LANCL1: variants seen among roughly 807,000 people sequenced by gnomAD.
LANCL1 encodes the protein LanC like glutathione S-transferase 1.
LANCL1 carries 50 observed loss-of-function variants against 50.6 expected under a neutral mutation model. The ratio of observed to expected loss-of-function variants is 0.99; its 90% CI spans 0.79 to 1.25. The LOEUF is 1.25. Ranked by LOEUF, LANCL1 falls within the 50% of genes most tolerant of loss-of-function variation. The pLI, the probability that LANCL1 is intolerant of heterozygous loss-of-function variation, is 0.00. For synonymous variants in LANCL1, 188 were observed against 178.6 expected (o/e 1.05, Z -0.42); for missense variants, 532 against 480.7 (o/e 1.11, Z -1.00).
intron 3 of LANCL1, chr2:210,468,885 T>A (rs1043563959): frequency 6.6e-6 from 1 of 152,242 alleles, no homozygotes; most frequent in Non-Finnish European, 1.5e-5. Context: ...TAAACCACTA[T>A]ACTTCTGTTT....
chr2:210,448,069 A>T (rs928860881), intron 4 of LANCL1, among the ~76,000 whole-genome samples: 2 of 152,196 alleles, frequency 1.3e-5, no homozygotes, highest in Non-Finnish European at 2.9e-5. Context: ...TCAGCACCAC[A>T]TCACACTTAT....
intron 3 of LANCL1, 165 bp downstream of exon 3, chr2:210,471,794 A>G (rs553937624): frequency 2.7e-6 from 2 of 738,874 alleles, no homozygotes; most frequent in South Asian, 2.9e-5. Context: ...CCCAGAAGAT[A>G]CCATGGTTGG....
chr2:210,456,640 T>A (rs1420952940), intron 3 of LANCL1, among the ~76,000 whole-genome samples: 1 of 152,104 alleles, frequency 6.6e-6, no homozygotes, highest in Non-Finnish European at 1.5e-5. Context: ...TAAAATTAGG[T>A]CCTTAATAGG....
chr2:210,443,921 G>C (rs576005011), intron 4 of LANCL1, among the ~76,000 whole-genome samples: 1 of 152,332 alleles, frequency 6.6e-6, no homozygotes, highest in East Asian at 1.9e-4. Flanking sequence ...TGGAGGTTTG[G>C]AAGATGGTAC....
chr2:210,475,742 G>A (rs2105932670), intron 2 of LANCL1, among the ~76,000 whole-genome samples: 1 of 152,250 alleles, frequency 6.6e-6, no homozygotes, highest in Admixed American at 6.5e-5. Context: ...GTTCTCTTTT[G>A]CACAGTGATT....
At chr2:210,455,039 T>C in intron 4 of LANCL1, 68 bp downstream of exon 4, 2 of 1,322,060 alleles carry the variant, frequency 1.5e-6, no homozygotes, top group Non-Finnish European at 2.1e-6. Context: ...GAATGTTCTT[T>C]TGTTAACACA....
intron 3 of LANCL1, among the ~76,000 whole-genome samples, chr2:210,467,776 A>G (rs930852530): frequency 6.6e-6 from 1 of 152,138 alleles, no homozygotes; most frequent in Admixed American, 6.5e-5. Flanking sequence ...TCATCTCTTC[A>G]CTAGAACCCT....
intron 3 of LANCL1, among the ~76,000 whole-genome samples, chr2:210,467,824 T>C (rs1232318312): frequency 6.6e-6 from 1 of 152,186 alleles, no homozygotes; most frequent in African/African-American, 2.4e-5. Flanking sequence ...AAGACAAATC[T>C]AGACACACCA....
chr2:210,441,371 A>G lies in LANCL1; in HGVS notation c.480T>C (p.Tyr160=), dbSNP rs762977104. 1 of 1,613,438 alleles carries G rather than the reference A, an allele frequency of 6.2e-7. No individual in the cohort carries two copies. The highest frequency in any genetic ancestry group is 1.1e-5 in the South Asian group (1 of 91,010). Residue 160 remains tyrosine, a synonymous_variant, in exon 5 of 10, where the codon TAT becomes TAC. Transcript: ENST00000450366. ...EMLYGRIGYI[Y]ALLFVNKNFG... is the part of the protein sequence containing the mutation. ...AGTTCTTATTGACAAAAAGAAGAGC[A>G]TAGATGTAGCCTATTCGCCCATAGA...
At chr2:210,465,971 TGATCAGGACTACCC>T (rs1694044424) in intron 3 of LANCL1, among the ~76,000 whole-genome samples, 3 of 152,224 alleles carry the variant, frequency 2.0e-5, no homozygotes, top group African/African-American at 7.2e-5. Context: ...GTAGGGTTTA[TGATCAGGACTACCC>T]TTATTTATAA....
At chr2:210,464,972 C>CAAA (rs751226712) in intron 3 of LANCL1, among the ~76,000 whole-genome samples, 1 of 31,872 alleles carries the variant, frequency 3.1e-5, no homozygotes, top group South Asian at 1.2e-3. Flanking sequence ...GACTCCGTCT[C>CAAA]AAAAAAAAAA....
chr2:210,440,563 G>C, intron 6 of LANCL1, 35 bp downstream of exon 6: 6 of 1,589,524 alleles, frequency 3.8e-6, no homozygotes, highest in Non-Finnish European at 5.1e-6. Context: ...GGGTCAGGAA[G>C]GACATTTTAA....
At chr2:210,437,946 G>A in intron 6 of LANCL1, 74 bp from the exon 7 acceptor site, 1 of 1,083,974 alleles carries the variant, frequency 9.2e-7, no homozygotes, top group Non-Finnish European at 1.3e-6. Flanking sequence ...ATTTAAACCA[G>A]AAAAAAAGCA....
At chr2:210,450,195 G>A (rs991722037) in intron 4 of LANCL1, among the ~76,000 whole-genome samples, 4 of 151,900 alleles carry the variant, frequency 2.6e-5, no homozygotes, top group Non-Finnish European at 4.4e-5. Context: ...CACCACACAC[G>A]TACAGCCATC....
At chr2:210,449,747 T>G (rs1361078752) in intron 4 of LANCL1, among the ~76,000 whole-genome samples, 1 of 152,102 alleles carries the variant, frequency 6.6e-6, no homozygotes, top group Non-Finnish European at 1.5e-5. Flanking sequence ...TTCACAATTG[T>G]TACAAAGAGA....
intron 2 of LANCL1, among the ~76,000 whole-genome samples, chr2:210,474,514 G>A (rs187388232): frequency 2.7e-4 from 40 of 150,562 alleles, no homozygotes; most frequent in African/African-American, 8.1e-4. Context: ...TCAGGAGTTC[G>A]ACACCAGCCT....
rs930930309 is a variant in LANCL1 at position 210,433,111 on chromosome 2, A to G, written c.*1376T>C. 6.6e-6 allele frequency: 1 copy of G among 152,638 alleles called. No individual in the cohort carries two copies. Among genetic ancestry groups the G allele is most frequent in the Non-Finnish European group, 1.5e-5 (1 of 68,040 alleles). 9.5% of individuals were successfully genotyped at this position (152,638 alleles called of 1,614,324 possible). On this transcript the variant is annotated 3_prime_UTR_variant, in exon 10 of 10. Coordinates refer to ENST00000450366, the MANE Select transcript of LANCL1 (RefSeq NM_006055.3). ...GAGCTGTGAAATAGGCACATTTAAA[A>G]TACTTAGACCCTGTTATTTTAAAGC...
intron 4 of LANCL1, among the ~76,000 whole-genome samples, chr2:210,452,029 G>T (rs1693526519): frequency 6.6e-6 from 1 of 152,032 alleles, no homozygotes; most frequent in African/African-American, 2.4e-5. Context: ...ATGGTATGGG[G>T]GTATGGGGAA....
At chr2:210,459,369 A>G (rs1322960244) in intron 3 of LANCL1, among the ~76,000 whole-genome samples, 1 of 152,170 alleles carries the variant, frequency 6.6e-6, no homozygotes. Context: ...GAAAATCTAC[A>G]CATCCAGATG....
Sources: gnomAD v4.1 joint callset for allele counts (sites outside exome capture counted in the v4.1 genomes callset) on GRCh38, gnomAD v4.1.1 for gene constraint, MANE v1.5 for transcripts, NCBI Gene and HGNC (gene_info 2026-07-23, HGNC 2026-07-21) for gene names.